Variants in GABRR1 observed in about 807,000 individuals in gnomAD.
GABRR1 encodes the protein gamma-aminobutyric acid type A receptor subunit rho1.
A neutral mutation model predicts 55.5 loss-of-function variants in GABRR1; 59 were observed. The observed-to-expected ratio is 1.06, with a 90% CI of 0.86 to 1.32. GABRR1 has a LOEUF of 1.32. GABRR1 is among the 40% of genes most tolerant of loss of function. The probability of loss-of-function intolerance (pLI) is 0.00; values close to 1 mark genes in which losing one functional copy is unlikely to be tolerated. For synonymous variants in GABRR1, 213 were observed against 226.0 expected, an observed-to-expected ratio of 0.94 and a Z score of 0.51; for missense variants, 602 against 619.1, an observed-to-expected ratio of 0.97 and a Z score of 0.29.
At chr6:89,208,527 C>T (rs1024710173) in intron 1 of GABRR1, among the ~76,000 whole-genome samples, 3 of 152,226 alleles carry the variant, frequency 2.0e-5, no homozygotes, top group Admixed American at 1.3e-4. Flanking sequence ...GATCAGCGGA[C>T]TTTAAGTAAA....
At chr6:89,219,358 T>A (rs1773078327), upstream of GABRR1, among the ~76,000 whole-genome samples, 1 of 152,204 alleles carries the variant, frequency 6.6e-6, no homozygotes, top group African/African-American at 2.4e-5. Context: ...TTGGAATCAT[T>A]CAACACCGTA....
intron 1 of GABRR1, among the ~76,000 whole-genome samples, chr6:89,207,239 G>C (rs563499062): frequency 1.3e-5 from 2 of 151,976 alleles, no homozygotes; most frequent in African/African-American, 4.8e-5. Flanking sequence ...CTGTTGTCCA[G>C]GCTACAATGC....
At chr6:89,189,759 A>G (rs1772028085) in intron 6 of GABRR1, among the ~76,000 whole-genome samples, 1 of 152,136 alleles carries the variant, frequency 6.6e-6, no homozygotes, top group African/African-American at 2.4e-5. Context: ...AATCTAACAC[A>G]TTACTTTAAA....
At position 89,185,334 on chromosome 6, in the gene GABRR1, TG is replaced by T. The variant is rs1359129905; in HGVS notation, c.771del (p.Lys258AsnfsTer37). ...QFLIQEFHTT[T>X]KLAFYSSTGW... ...CCTGTGCTGCTGTAGAAAGCCAGTT[TG>T]GTGGTGGTGTGGAATTCCTGAATGA... On this transcript the variant is annotated frameshift_variant, in exon 7 of 10. Transcript: ENST00000454853. LOFTEE classifies it high-confidence loss of function. 2.5e-6 allele frequency: 4 copies of T among 1,613,802 alleles called. No individual in the cohort carries two copies. In the Admixed American group the frequency reaches 6.7e-5, roughly 27 times the overall value.
At chr6:89,224,072 T>C (rs1773158276) in intron 1 of GABRR1, among the ~76,000 whole-genome samples, 1 of 151,486 alleles carries the variant, frequency 6.6e-6, no homozygotes, top group Non-Finnish European at 1.5e-5. Flanking sequence ...CCAGGGGTTT[T>C]GTTTGTTTGT....
chr6:89,223,654 T>A (rs1396244106), intron 1 of GABRR1, among the ~76,000 whole-genome samples: 1 of 152,186 alleles, frequency 6.6e-6, no homozygotes, highest in Non-Finnish European at 1.5e-5. Context: ...TGTACTAGTT[T>A]ACATTCCCAT....
intron 1 of GABRR1, among the ~76,000 whole-genome samples, chr6:89,215,321 G>C (rs187171909): frequency 1.3e-5 from 2 of 152,338 alleles, no homozygotes; most frequent in East Asian, 3.9e-4. Flanking sequence ...AATGGATAAA[G>C]AGAATGTGGT....
chr6:89,200,509 C>A (rs1178243048), intron 3 of GABRR1, among the ~76,000 whole-genome samples: 1 of 151,888 alleles, frequency 6.6e-6, no homozygotes, highest in African/African-American at 2.4e-5. Context: ...TCAGCCATGG[C>A]AGATGAAATC....
chr6:89,218,088 G>A (rs1007343878), upstream of GABRR1, among the ~76,000 whole-genome samples: 2 of 152,124 alleles, frequency 1.3e-5, no homozygotes, highest in Admixed American at 6.5e-5. Flanking sequence ...CTTACTTTAA[G>A]ACTCTGCTAT....
intron 1 of GABRR1, among the ~76,000 whole-genome samples, chr6:89,208,708 G>A (rs1010312319): frequency 6.6e-6 from 1 of 152,254 alleles, no homozygotes; most frequent in Non-Finnish European, 1.5e-5. Flanking sequence ...GGTCTGCCCT[G>A]CAGATCTCAG....
intron 1 of GABRR1, among the ~76,000 whole-genome samples, chr6:89,209,522 A>G (rs1395617365): frequency 2.0e-5 from 3 of 152,180 alleles, no homozygotes; most frequent in African/African-American, 7.2e-5. Flanking sequence ...ACAGCCTGCA[A>G]TGCATTTCAG....
At chr6:89,223,708 A>G (rs1272676776) in intron 1 of GABRR1, among the ~76,000 whole-genome samples, 3 of 116,122 alleles carry the variant, frequency 2.6e-5, no homozygotes, top group Admixed American at 2.5e-4. Context: ...CCACACCAAT[A>G]TCTTTTTTTT....
At chr6:89,205,402 C>T (rs1772611137) in intron 1 of GABRR1, 1 of 152,214 alleles carries the variant, frequency 6.6e-6, no homozygotes, top group South Asian at 2.1e-4. Flanking sequence ...ACTGAATGAG[C>T]CCCAGGAGGT....
At chr6:89,223,224 C>G (rs893392568) in intron 1 of GABRR1, among the ~76,000 whole-genome samples, 3 of 152,180 alleles carry the variant, frequency 2.0e-5, no homozygotes, top group African/African-American at 7.2e-5. Flanking sequence ...CCCGAGTCCT[C>G]TAAGTCCACT....
chr6:89,192,042 A>G (rs1169417242), intron 5 of GABRR1, among the ~76,000 whole-genome samples: 1 of 107,672 alleles, frequency 9.3e-6, no homozygotes, highest in Non-Finnish European at 2.2e-5. Flanking sequence ...ACTCCATCGA[A>G]AAAAAAAAAA....
intron 1 of GABRR1, among the ~76,000 whole-genome samples, chr6:89,216,756 C>G (rs1302520925): frequency 6.6e-6 from 1 of 152,158 alleles, no homozygotes; most frequent in Non-Finnish European, 1.5e-5. Flanking sequence ...AAGCTGCTTT[C>G]TTTTAAAATA....
chr6:89,224,603 T>G (rs1197334542), intron 1 of GABRR1, among the ~76,000 whole-genome samples: 2 of 152,232 alleles, frequency 1.3e-5, no homozygotes, highest in Non-Finnish European at 2.9e-5. Flanking sequence ...TGTGAAGATT[T>G]TCTCCCACTC....
At chr6:89,183,437 G>C (rs1363623572) in intron 7 of GABRR1, among the ~76,000 whole-genome samples, 1 of 152,162 alleles carries the variant, frequency 6.6e-6, no homozygotes, top group Non-Finnish European at 1.5e-5. Context: ...CCCTCTTACA[G>C]ATTAGGAAGA....
chr6:89,210,621 T>C (rs1247615738), intron 1 of GABRR1, among the ~76,000 whole-genome samples: 1 of 152,180 alleles, frequency 6.6e-6, no homozygotes, highest in Non-Finnish European at 1.5e-5. Context: ...TCCCAAGCCA[T>C]GGGCACAGTG....
Sources: allele counts gnomAD v4.1 joint callset (sites outside exome capture counted in the v4.1 genomes callset), GRCh38; gene constraint gnomAD v4.1.1; transcripts MANE v1.5; gene names NCBI Gene and HGNC (gene_info 2026-07-23, HGNC 2026-07-21).